The following ME3 variants were observed in gnomAD, a reference collection of about 807,000 sequenced individuals.
ME3 encodes the protein malic enzyme 3.
ME3 carries 48 observed loss-of-function variants against 68.9 expected under a neutral mutation model. That is an observed-to-expected ratio of 0.70 (90% CI 0.55 to 0.89). The LOEUF (loss-of-function observed/expected upper bound fraction) is 0.89. Among genes scored for constraint, ME3 ranks in the 40% least tolerant of loss-of-function variants. The pLI is 0.00. For missense variants in ME3, 675 were observed against 797.4 expected, an observed-to-expected ratio of 0.85 and a Z score of 1.85; for synonymous variants, 320 against 318.8, an observed-to-expected ratio of 1.00 and a Z score of -0.04.
rs1593988269 is a variant in ME3 at position 86,446,786 on chromosome 11, G to A, written c.1380+279C>T. 4 of 588,164 alleles carry A rather than the reference G, an allele frequency of 6.8e-6. No individual in the cohort carries two copies. In the East Asian group the frequency reaches 8.5e-5, roughly 13 times the overall value. The allele number at this position is 588,164 out of a possible 1,614,324, so 36.4% of individuals were successfully genotyped here. On this transcript the variant is annotated intron_variant, in intron 12 of 14. Coordinates refer to ENST00000543262, the Ensembl canonical transcript of ME3. ...ACAGGATGTGGCCTAGAGTCTACAAGTGCCTCAGGTTTTGGGTGCTGGTCA... is the reference window on the plus strand; with the variant it reads ...ACAGGATGTGGCCTAGAGTCTACAAATGCCTCAGGTTTTGGGTGCTGGTCA...
intron 2 of ME3, among the ~76,000 whole-genome samples, chr11:86,651,344 A>C (rs1235315250): frequency 2.6e-5 from 4 of 152,184 alleles, no homozygotes; most frequent in Admixed American, 1.3e-4. Context: ...AGGCACCCCC[A>C]AGTAGGGGCA....
chr11:86,630,228 T>C (rs1230037220), intron 2 of ME3, among the ~76,000 whole-genome samples: 6 of 152,148 alleles, frequency 3.9e-5, no homozygotes, highest in African/African-American at 1.2e-4. Context: ...GTTACCTCTG[T>C]TATCAATAAA....
At chr11:86,608,180 G>T (rs1037487221) in intron 2 of ME3, among the ~76,000 whole-genome samples, 3 of 152,142 alleles carry the variant, frequency 2.0e-5, no homozygotes, top group Admixed American at 1.3e-4. Context: ...ATTTTTAAAT[G>T]GATCTAGCAG....
chr11:86,525,005 T>C (rs370731936), intron 4 of ME3, among the ~76,000 whole-genome samples: 19 of 152,334 alleles, frequency 1.2e-4, no homozygotes, highest in African/African-American at 4.6e-4. Context: ...TTTGAAATGA[T>C]TGAGAAAAGA....
intron 2 of ME3, among the ~76,000 whole-genome samples, chr11:86,597,846 C>T (rs1166059757): frequency 1.3e-5 from 2 of 151,990 alleles, no homozygotes; most frequent in African/African-American, 4.8e-5. Context: ...ATTTAAGATA[C>T]ATTAACCTTA....
intron 7 of ME3, among the ~76,000 whole-genome samples, chr11:86,483,852 T>C (rs908197732): frequency 3.3e-5 from 5 of 152,154 alleles, no homozygotes; most frequent in Non-Finnish European, 5.9e-5. Flanking sequence ...TCAACTCCCA[T>C]CCTTGCTACT....
intron 13 of ME3, 70 bp from the exon 14 acceptor site, chr11:86,442,989 A>T (rs1217806210): frequency 8.2e-7 from 1 of 1,223,266 alleles, no homozygotes; most frequent in African/African-American, 1.5e-5. Context: ...CCAACCCGTT[A>T]CCCCAGAGAC....
intron 4 of ME3, among the ~76,000 whole-genome samples, chr11:86,546,809 TTACTGGGTATA>T (rs1353834816): frequency 6.6e-6 from 1 of 152,178 alleles, no homozygotes; most frequent in African/African-American, 2.4e-5. Context: ...AGCAATCCCA[TTACTGGGTATA>T]TACCCAAAGG....
intron 7 of ME3, among the ~76,000 whole-genome samples, chr11:86,469,465 C>A (rs1269196602): frequency 6.6e-6 from 1 of 152,150 alleles, no homozygotes; most frequent in Non-Finnish European, 1.5e-5. Flanking sequence ...GAGGCAGGAC[C>A]CCTCCCAAGA....
intron 2 of ME3, among the ~76,000 whole-genome samples, chr11:86,593,824 A>G (rs1223143118): frequency 1.0e-4 from 15 of 146,658 alleles, no homozygotes. Context: ...TTCAGCCTAA[A>G]ATGTTATTAA....
chr11:86,585,312 T>A (rs572818846), intron 2 of ME3, among the ~76,000 whole-genome samples: 1 of 152,330 alleles, frequency 6.6e-6, no homozygotes, highest in Admixed American at 6.5e-5. Flanking sequence ...AAATTAGAAG[T>A]TTCCTGCAAT....
intron 11 of ME3, among the ~76,000 whole-genome samples, chr11:86,447,562 C>G (rs1165241320): frequency 2.0e-5 from 3 of 151,952 alleles, no homozygotes; most frequent in East Asian, 3.9e-4. Flanking sequence ...TTAGAGAGAC[C>G]AGGCCAGGTG....
rs140510515 is a variant in ME3 at position 86,523,974 on chromosome 11, AACTC to A, written c.468-15111_468-15108del. On this transcript the variant is annotated intron_variant, in intron 4 of 14. Coordinates refer to ENST00000543262, the Ensembl canonical transcript of ME3. Reference sequence around the variant, plus strand: ...CTTAGAATATTAAAATGTGCCAAGAAACTCAGAGAGAGTTGGTACAAAGAAGTTT... The same window carrying A: ...CTTAGAATATTAAAATGTGCCAAGAAAGAGAGAGTTGGTACAAAGAAGTTT... Among the ~76,000 whole-genome samples the A allele has an allele frequency of 6.6e-4, 100 of 152,338 alleles. No individual in the cohort carries two copies. The East Asian group carries it at 0.018, about 28-fold the overall frequency.
chr11:86,587,098 G>A (rs1958782712), intron 2 of ME3, among the ~76,000 whole-genome samples: 1 of 152,216 alleles, frequency 6.6e-6, no homozygotes, highest in Admixed American at 6.5e-5. Flanking sequence ...GTAAGGTTTT[G>A]TAAAGGAGGT....
At chr11:86,585,924 G>C (rs1050402268) in intron 2 of ME3, among the ~76,000 whole-genome samples, 1 of 152,148 alleles carries the variant, frequency 6.6e-6, no homozygotes, top group Non-Finnish European at 1.5e-5. Flanking sequence ...GAAGGAAGGC[G>C]TGACCAACAC....
chr11:86,634,986 C>G (rs1698721923), intron 2 of ME3, among the ~76,000 whole-genome samples: 1 of 152,210 alleles, frequency 6.6e-6, no homozygotes, highest in Non-Finnish European at 1.5e-5. Context: ...TTGCTCCGTT[C>G]TGGATGTTAC....
Position 86,466,244 on chromosome 11 carries a change from A to G in ME3, c.810-1044T>C, listed in dbSNP as rs567835141. On this transcript the variant is annotated intron_variant, in intron 7 of 14. Coordinates refer to ENST00000543262, the Ensembl canonical transcript of ME3. ...TTGCTCTTTGATGCTGGTGTTTGAT[A>G]GTTTTGTTTGTGTCTTTAGCCTTTC... Among the ~76,000 whole-genome samples the G allele has an allele frequency of 2.2e-4, 33 of 152,202 alleles. 1 individual carries two copies. In the South Asian group the frequency reaches 5.8e-3, roughly 27 times the overall value.
At chr11:86,468,331 C>T (rs972127909) in intron 7 of ME3, among the ~76,000 whole-genome samples, 2 of 152,274 alleles carry the variant, frequency 1.3e-5, no homozygotes, top group East Asian at 3.9e-4. Context: ...CATCATCCAA[C>T]CATCCATCAT....
intron 4 of ME3, among the ~76,000 whole-genome samples, chr11:86,528,739 A>C (rs372181153): frequency 0.097 from 14,335 of 148,370 alleles, 768 homozygotes; most frequent in African/African-American, 0.12. Context: ...AACTGAACAA[A>C]CTGCTCCTGA....
Sources: gnomAD v4.1 joint callset for allele counts (sites outside exome capture counted in the v4.1 genomes callset) on GRCh38, gnomAD v4.1.1 for gene constraint, MANE v1.5 for transcripts, NCBI Gene and HGNC (gene_info 2026-07-23, HGNC 2026-07-21) for gene names.